Variants in RAB40B observed in about 807,000 individuals in gnomAD.
RAB40B encodes the protein RAB40B, member RAS oncogene family, also known as ras-related protein Rab-40B.
In RAB40B, 21 loss-of-function variants were observed where a neutral mutation model predicts 24.0. That is an observed-to-expected ratio of 0.88 (90% CI 0.62 to 1.26). RAB40B has a LOEUF of 1.26. Among genes scored for constraint, RAB40B ranks in the 50% most tolerant of loss-of-function variants. The pLI is 0.00. For synonymous variants in RAB40B, 167 were observed against 169.8 expected (o/e 0.98, Z 0.13); for missense variants, 348 against 390.5 (o/e 0.89, Z 0.92).
rs2046386709 is a variant in RAB40B, at chr17:82,675,608, T to A, written c.143-11052A>T. Among the ~76,000 whole-genome samples, 1 of 152,158 alleles carries A rather than the reference T, an allele frequency of 6.6e-6. No homozygotes were observed. The highest frequency in any genetic ancestry group is 1.5e-5 in the Non-Finnish European group (1 of 68,018). On this transcript the variant is annotated intron_variant, in intron 1 of 5. Transcript: ENST00000571995. The surrounding 1 kb of genome is among the most constrained non-coding windows in gnomAD (Gnocchi z 4.5). ...TCACAGTTCTGGAGGCTGGAAGTTCTAGATCAAGGTCCAGGCAGAGCCAGT... is the reference window on the plus strand; with the variant it reads ...TCACAGTTCTGGAGGCTGGAAGTTCAAGATCAAGGTCCAGGCAGAGCCAGT...
chr17:82,655,950 C>CTTT lies in RAB40B; in HGVS notation c.*1910_*1912dup, dbSNP rs66478872. 21,121 of 132,746 alleles carry CTTT rather than the reference C, an allele frequency of 0.16. 1,866 individuals carry two copies. Among genetic ancestry groups the CTTT allele is most frequent in the Non-Finnish European group, 0.2 (12,409 of 62,982 alleles). 8.2% of individuals were successfully genotyped at this position (132,746 alleles called of 1,614,324 possible). ...CCTGATTCTAGGGTCCCTTAAATTTCTTTTTTTTTTTTTTTTTTAGATGGA... is the reference window on the plus strand; with the variant it reads ...CCTGATTCTAGGGTCCCTTAAATTTCTTTTTTTTTTTTTTTTTTTTTAGATGGA... On this transcript the variant is annotated 3_prime_UTR_variant, in exon 6 of 6. Coordinates refer to ENST00000571995, the MANE Select transcript of RAB40B (RefSeq NM_006822.3).
At position 82,657,806 on chromosome 17, in the gene RAB40B, G is replaced by C. The variant is rs547100484; in HGVS notation, c.*57C>G. 63 of 1,593,482 alleles carry C rather than the reference G, an allele frequency of 4.0e-5. 1 individual carries two copies. The African/African-American group carries it at 7.0e-4, about 18-fold the overall frequency. On this transcript the variant is annotated 3_prime_UTR_variant, in exon 6 of 6. Transcript: ENST00000571995. ...TCTGAGATGCATCCACCAGCTGCCG[G>C]GGGTAACGCCGAGCTTCTCCTGGAG...
intron 1 of RAB40B, among the ~76,000 whole-genome samples, chr17:82,695,215 C>CA (rs1196451967): frequency 2.0e-5 from 3 of 147,508 alleles, no homozygotes; most frequent in Non-Finnish European, 4.4e-5. Flanking sequence ...TTTTTCGAGA[C>CA]AAAATCTCAC....
chr17:82,685,070 A>G (rs1402048968), intron 1 of RAB40B, among the ~76,000 whole-genome samples: 2 of 151,370 alleles, frequency 1.3e-5, no homozygotes, highest in African/African-American at 2.4e-5. Context: ...CCGAGATCAT[A>G]CCATTGCACT....
intron 3 of RAB40B, 59 bp from the exon 4 acceptor site, chr17:82,659,716 A>G (rs2046137408): frequency 2.2e-6 from 3 of 1,389,582 alleles, no homozygotes; most frequent in Admixed American, 3.4e-5. Flanking sequence ...AGCTGTGGCC[A>G]TGCACGCAAA....
rs544757639 is a variant in RAB40B at position 82,667,135 on chromosome 17, G to A, written c.143-2579C>T. 2.0e-5 allele frequency among the ~76,000 whole-genome samples: 3 copies of A among 152,314 alleles called. No homozygotes were observed. The highest frequency in any genetic ancestry group is 2.1e-4 in the South Asian group (1 of 4,824). ...CAGAAACAGGCTCCTCTAAAAATGC[G>A]AGGCTGCGGAGGCCACGGTTCTCAA... On this transcript the variant is annotated intron_variant, in intron 1 of 5. Transcript: ENST00000571995. The surrounding 1 kb of genome is among the most constrained non-coding windows in gnomAD (Gnocchi z 4.3).
At position 82,658,129 on chromosome 17, in the gene RAB40B, T is replaced by C. The variant is rs1433193406; in HGVS notation, c.571A>G (p.Ser191Gly). ...DRLWRPSKVL[S>G]LQDLCCRAVV... Reference sequence around the variant, plus strand: ...GCCCGGCAGCAGAGGTCTTGCAAGCTCAGCACTTGGGAGAGAAAAGATAAA... The same window carrying C: ...GCCCGGCAGCAGAGGTCTTGCAAGCCCAGCACTTGGGAGAGAAAAGATAAA... The change falls in exon 6 of 6, where the codon AGC (serine) becomes GGC (glycine). Residue 191 changes from serine to glycine, a missense_variant. Ser to Gly is a moderately conservative substitution (Grantham distance 56). Transcript: ENST00000571995. 6.2e-7 allele frequency: 1 copy of C among 1,613,700 alleles called. No homozygotes were observed. Among genetic ancestry groups the C allele is most frequent in the African/African-American group, 1.3e-5 (1 of 75,034 alleles).
chr17:82,673,077 G>A (rs141549135), intron 1 of RAB40B, among the ~76,000 whole-genome samples: 5 of 152,224 alleles, frequency 3.3e-5, no homozygotes, highest in East Asian at 1.9e-4. Context: ...GGTGGTGGGC[G>A]CCTGTAGTCC....
rs1447701052 is a variant in RAB40B, at chr17:82,667,771, C to A, written c.143-3215G>T. Among the ~76,000 whole-genome samples, 1 of 152,232 alleles carries A rather than the reference C, an allele frequency of 6.6e-6. No homozygotes were observed. Among genetic ancestry groups the A allele is most frequent in the South Asian group, 2.1e-4 (1 of 4,834 alleles). ...AGCAGCACTGAGAACGCCCGAAGCACCCGCTTTGCAGACGCCACCTGCCCC... is the reference window on the plus strand; with the variant it reads ...AGCAGCACTGAGAACGCCCGAAGCAACCGCTTTGCAGACGCCACCTGCCCC... On this transcript the variant is annotated intron_variant, in intron 1 of 5. Coordinates refer to ENST00000571995, the MANE Select transcript of RAB40B (RefSeq NM_006822.3). The surrounding 1 kb of genome is among the most constrained non-coding windows in gnomAD (Gnocchi z 4.3).
At chr17:82,681,627 A>T (rs887713985) in intron 1 of RAB40B, among the ~76,000 whole-genome samples, 12 of 152,220 alleles carry the variant, frequency 7.9e-5, no homozygotes, top group Admixed American at 1.3e-4. Context: ...ACTATACAAT[A>T]AATTAAAAGT....
chr17:82,674,556 G>T (rs1365480678), intron 1 of RAB40B, among the ~76,000 whole-genome samples: 8 of 145,490 alleles, frequency 5.5e-5, no homozygotes, highest in Non-Finnish European at 1.1e-4. Context: ...GGAGAATGGC[G>T]TGAACCCAGG....
intron 1 of RAB40B, among the ~76,000 whole-genome samples, chr17:82,688,221 T>C (rs1477555158): frequency 1.3e-5 from 2 of 152,066 alleles, no homozygotes; most frequent in East Asian, 3.9e-4. Context: ...GAGGTTTCCC[T>C]ATATTTCCTA....
At chr17:82,695,952 C>G (rs927466120) in intron 1 of RAB40B, among the ~76,000 whole-genome samples, 3 of 152,076 alleles carry the variant, frequency 2.0e-5, no homozygotes, top group Non-Finnish European at 4.4e-5. Context: ...TCTCTGCAAC[C>G]TCCGCCTCCC....
At position 82,655,473 on chromosome 17, in the gene RAB40B, G is replaced by T. The variant is rs1200346856; in HGVS notation, c.*2390C>A. On this transcript the variant is annotated 3_prime_UTR_variant, in exon 6 of 6. Coordinates refer to ENST00000571995, the MANE Select transcript of RAB40B (RefSeq NM_006822.3). Reference sequence around the variant, plus strand: ...ACAAAACAAGAAAAAGGAAGGAAGAGAAAAATACAGGTTTGGCCTGGTTTA... The same window carrying T: ...ACAAAACAAGAAAAAGGAAGGAAGATAAAAATACAGGTTTGGCCTGGTTTA... 1 of 152,234 alleles carries T rather than the reference G, an allele frequency of 6.6e-6. No homozygotes were observed. The highest frequency in any genetic ancestry group is 2.4e-5 in the African/African-American group (1 of 41,458). The allele number at this position is 152,234 out of a possible 1,614,324, so 9.4% of individuals were successfully genotyped here.
intron 1 of RAB40B, among the ~76,000 whole-genome samples, chr17:82,685,287 G>A (rs1273851501): frequency 6.8e-6 from 1 of 147,326 alleles, no homozygotes; most frequent in Non-Finnish European, 1.5e-5. Flanking sequence ...GGAGGGTGGG[G>A]AGGGAGGAGG....
At chr17:82,676,268 CA>C (rs1299175876) in intron 1 of RAB40B, among the ~76,000 whole-genome samples, 4 of 131,350 alleles carry the variant, frequency 3.0e-5, no homozygotes, top group Admixed American at 1.4e-4. Flanking sequence ...GCATCTCCCC[CA>C]CACACAGTGA....
intron 1 of RAB40B, among the ~76,000 whole-genome samples, chr17:82,678,677 A>G (rs1250810311): frequency 1.3e-5 from 2 of 152,156 alleles, no homozygotes; most frequent in African/African-American, 4.8e-5. Flanking sequence ...AAAACACCGG[A>G]AAGCCAAAAA....
chr17:82,664,620 C>A, intron 1 of RAB40B, 64 bp from the exon 2 acceptor site: 2 of 1,488,588 alleles, frequency 1.3e-6, no homozygotes, highest in South Asian at 1.2e-5. Context: ...GGAAGTCTCA[C>A]GTTCAGGGAA....
At chr17:82,678,497 T>G (rs2046417082) in intron 1 of RAB40B, among the ~76,000 whole-genome samples, 1 of 152,178 alleles carries the variant, frequency 6.6e-6, no homozygotes, top group Non-Finnish European at 1.5e-5. Context: ...AGTAAATATT[T>G]TAGGAATCTG....
Sources: allele counts gnomAD v4.1 joint callset (sites outside exome capture counted in the v4.1 genomes callset), GRCh38; gene constraint gnomAD v4.1.1; non-coding constraint Gnocchi (gnomAD v3.1); transcripts MANE v1.5; gene names NCBI Gene and HGNC (gene_info 2026-07-23, HGNC 2026-07-21).